The following NOX4 variants were observed in gnomAD, a reference collection of about 807,000 sequenced individuals.
NOX4 encodes NADPH oxidase 4.
A neutral mutation model predicts 87.6 loss-of-function variants in NOX4; 69 were observed. The observed-to-expected ratio is 0.79, with a 90% confidence interval of 0.65 to 0.96. The LOEUF (loss-of-function observed/expected upper bound fraction) is 0.96, where lower values mean the gene tolerates loss of function less well. NOX4 is among the 40% of genes least tolerant of loss of function. The pLI, the probability that NOX4 is intolerant of heterozygous loss-of-function variation, is 0.00. For missense variants in NOX4, 680 were observed against 681.5 expected, an observed-to-expected ratio of 1.00 and a Z score of 0.02; for synonymous variants, 275 against 238.2, an observed-to-expected ratio of 1.15 and a Z score of -1.42.
Position 89,474,623 on chromosome 11 carries a change from T to C in NOX4, c.153+15835A>G, listed in dbSNP as rs974319935. ...AAATAGTAATATCCATCCAGATTAC[T>C]GAATAATATGCACATGTATATATGT... On this transcript the variant is annotated intron_variant, in intron 2 of 17. Transcript: ENST00000263317. 2.6e-5 allele frequency among the ~76,000 whole-genome samples: 4 copies of C among 152,034 alleles called. No homozygotes were observed. The East Asian group carries it at 5.8e-4, about 22-fold the overall frequency.
At chr11:89,518,867 T>A in the NOX4 span, among the ~76,000 whole-genome samples, 51 of 151,776 alleles carry the variant, frequency 3.4e-4, no homozygotes, top group African/African-American at 1.2e-3. Flanking sequence ...TCTAATTTAA[T>A]AATTTTCCAT....
intron 8 of NOX4, among the ~76,000 whole-genome samples, chr11:89,408,346 T>C (rs1942298948): frequency 6.6e-6 from 1 of 152,192 alleles, no homozygotes; most frequent in Admixed American, 6.5e-5. Context: ...TTCGACCTCA[T>C]TTTCAACCTT....
intron 8 of NOX4, among the ~76,000 whole-genome samples, chr11:89,407,472 T>C (rs937207029): frequency 2.0e-5 from 3 of 152,086 alleles, no homozygotes; most frequent in Non-Finnish European, 4.4e-5. Flanking sequence ...TCTAGTGTTC[T>C]CCTATCATGA....
the NOX4 span, among the ~76,000 whole-genome samples, chr11:89,553,473 C>T: frequency 3.0e-3 from 464 of 152,188 alleles, 1 homozygote; most frequent in Non-Finnish European, 5.1e-3. Flanking sequence ...TTATAAATTA[C>T]CCAGTTTCAG....
intron 5 of NOX4, among the ~76,000 whole-genome samples, chr11:89,442,253 A>G (rs1944491393): frequency 6.6e-6 from 1 of 151,956 alleles, no homozygotes; most frequent in African/African-American, 2.4e-5. Context: ...AGATTGGGAA[A>G]AAAAAACAGA....
At chr11:89,547,436 T>G in the NOX4 span, among the ~76,000 whole-genome samples, 1 of 152,122 alleles carries the variant, frequency 6.6e-6, no homozygotes, top group Non-Finnish European at 1.5e-5. Context: ...CAGAAGACAA[T>G]AAACTGGTGA....
the NOX4 span, among the ~76,000 whole-genome samples, chr11:89,541,973 T>G: frequency 7.2e-5 from 9 of 125,234 alleles, 1 homozygote; most frequent in Admixed American, 4.5e-4. Context: ...ACCCAGCTAA[T>G]TTTTGTAGTT....
intron 8 of NOX4, among the ~76,000 whole-genome samples, chr11:89,420,639 T>C (rs1386022996): frequency 2.6e-5 from 4 of 152,152 alleles, no homozygotes; most frequent in African/African-American, 9.7e-5. Context: ...TTTGAATATG[T>C]ACCCTGAAAT....
At chr11:89,495,433 C>A, upstream of NOX4, among the ~76,000 whole-genome samples, 1 of 152,074 alleles carries the variant, frequency 6.6e-6, no homozygotes, top group Non-Finnish European at 1.5e-5. Context: ...TGTCAAATCA[C>A]CCTCTGCCTC....
the NOX4 span, among the ~76,000 whole-genome samples, chr11:89,586,512 T>C: frequency 5.9e-5 from 9 of 152,228 alleles, no homozygotes; most frequent in South Asian, 1.9e-3. Context: ...TGCAAAATAA[T>C]GCAAGTAACT....
At chr11:89,528,402 G>T in the NOX4 span, among the ~76,000 whole-genome samples, 1 of 152,172 alleles carries the variant, frequency 6.6e-6, no homozygotes, top group Non-Finnish European at 1.5e-5. Context: ...ATGAACATGA[G>T]ATTTAGGAGG....
At chr11:89,399,435 ATATATATAT>A (rs1242951222) in intron 11 of NOX4, among the ~76,000 whole-genome samples, 26 of 64,170 alleles carry the variant, frequency 4.1e-4, no homozygotes, top group African/African-American at 1.9e-3. Flanking sequence ...GAAATTAAAT[ATATATATAT>A]ATATATATAT....
At chr11:89,438,042 T>G (rs1944172390) in intron 6 of NOX4, among the ~76,000 whole-genome samples, 1 of 151,474 alleles carries the variant, frequency 6.6e-6, no homozygotes, top group South Asian at 2.1e-4. Context: ...TGCCAAGTCT[T>G]TCCCAGACAC....
At chr11:89,491,759 CACACACAA>C (rs1318324097), upstream of NOX4, among the ~76,000 whole-genome samples, 205 of 144,018 alleles carry the variant, frequency 1.4e-3, 1 homozygote, top group African/African-American at 4.6e-3. Context: ...CACACACACA[CACACACAA>C]GAAGACACAG....
At chr11:89,342,291 T>C in intron 13 of NOX4, 98 bp from the exon 14 acceptor site, 5 of 1,077,106 alleles carry the variant, frequency 4.6e-6, no homozygotes, top group Non-Finnish European at 5.4e-6. Flanking sequence ...TCTCTAGATT[T>C]TGTGATGGGT....
chr11:89,459,217 T>C (rs931022827), intron 2 of NOX4, among the ~76,000 whole-genome samples: 4 of 152,206 alleles, frequency 2.6e-5, no homozygotes, highest in East Asian at 3.9e-4. Flanking sequence ...CGAGAACATG[T>C]TCTCACTTAA....
chr11:89,366,672 A>G (rs953650550), intron 12 of NOX4, among the ~76,000 whole-genome samples: 14 of 149,986 alleles, frequency 9.3e-5, no homozygotes, highest in Non-Finnish European at 1.6e-4. Context: ...TGGGAGACAC[A>G]GCAAGACCTG....
At chr11:89,460,949 A>C (rs1456584804) in intron 2 of NOX4, among the ~76,000 whole-genome samples, 2 of 152,240 alleles carry the variant, frequency 1.3e-5, no homozygotes, top group Non-Finnish European at 2.9e-5. Flanking sequence ...AAAATGTGGC[A>C]CATATACACC....
At chr11:89,340,519 C>T (rs982328522) in intron 14 of NOX4, among the ~76,000 whole-genome samples, 7 of 152,104 alleles carry the variant, frequency 4.6e-5, no homozygotes, top group Non-Finnish European at 1.0e-4. Flanking sequence ...TTGGGCTCTG[C>T]ATCTCAGAAA....
Sources: allele counts gnomAD v4.1 joint callset (sites outside exome capture counted in the v4.1 genomes callset), GRCh38; gene constraint gnomAD v4.1.1; transcripts MANE v1.5; gene names NCBI Gene and HGNC (gene_info 2026-07-23, HGNC 2026-07-21).